The following HIVEP2 variants were observed in gnomAD, a reference collection of about 807,000 sequenced individuals.
The protein encoded by HIVEP2 is HIVEP zinc finger 2.
HIVEP2 carries 14 observed loss-of-function variants against 180.7 expected under a neutral mutation model. The observed-to-expected ratio is 0.08, with a 90% CI of 0.05 to 0.12. The LOEUF (loss-of-function observed/expected upper bound fraction) is 0.12, where lower values mean the gene tolerates loss of function less well. Among genes scored for constraint, HIVEP2 ranks in the 10% least tolerant of loss-of-function variants. The probability of loss-of-function intolerance (pLI) is 1.00; values close to 1 mark genes in which losing one functional copy is unlikely to be tolerated. For missense variants in HIVEP2, 2,579 were observed against 3,008.5 expected, an observed-to-expected ratio of 0.86 and a Z score of 3.34; for synonymous variants, 1,184 against 1,136.4, an observed-to-expected ratio of 1.04 and a Z score of -0.84.
At chr6:142,917,383 G>A (rs1313158222) in intron 1 of HIVEP2, among the ~76,000 whole-genome samples, 1 of 151,990 alleles carries the variant, frequency 6.6e-6, no homozygotes, top group African/African-American at 2.4e-5. Context: ...CATAGGGACA[G>A]TGACAGCCAC....
intron 1 of HIVEP2, among the ~76,000 whole-genome samples, chr6:142,852,925 C>T (rs1025043747): frequency 1.3e-5 from 2 of 152,094 alleles, no homozygotes; most frequent in African/African-American, 2.4e-5. Flanking sequence ...AAATATTTGT[C>T]ATTTGATGTA....
chr6:142,944,435 A>C (rs973648807), intron 1 of HIVEP2, among the ~76,000 whole-genome samples: 8 of 143,044 alleles, frequency 5.6e-5, no homozygotes, highest in African/African-American at 1.6e-4. Context: ...ACCCACACAC[A>C]CACACACACA....
chr6:142,768,428 C>T lies in HIVEP2; in HGVS notation c.5296G>A (p.Gly1766Arg). The T allele has an allele frequency of 6.2e-7, 1 of 1,612,792 alleles. No homozygotes were observed. Among genetic ancestry groups the T allele is most frequent in the Non-Finnish European group, 8.5e-7 (1 of 1,179,398 alleles). The change falls in exon 6 of 10, where the codon GGA (glycine) becomes AGA (arginine). Residue 1766 changes from glycine to arginine, a missense_variant. This residue lies in a region of HIVEP2 where 349 missense variants were observed against 367.2 expected (regional missense o/e 0.95). Transcript: ENST00000367603. Reference protein sequence around the residue: ...KGDIHGDKDIGSKQTEPIRIK... With the variant: ...KGDIHGDKDIRSKQTEPIRIK... ...CGGATTGGCTCAGTTTGTTTGGATC[C>T]AATATCTTTATCTCCATGAATATCT...
chr6:142,844,838 ACTG>A (rs1775467597), intron 1 of HIVEP2, among the ~76,000 whole-genome samples: 1 of 152,242 alleles, frequency 6.6e-6, no homozygotes, highest in Admixed American at 6.5e-5. Context: ...ATGCTAAATT[ACTG>A]CTACTTATGA....
In HIVEP2 at chr6:142,769,948, T is replaced by C; in HGVS notation, c.4791A>G (p.Glu1597=). The C allele has an allele frequency of 6.2e-7, 1 of 1,614,066 alleles. No individual in the cohort carries two copies. The highest frequency in any genetic ancestry group is 8.5e-7 in the Non-Finnish European group (1 of 1,180,040). ...CAACAGGCCGCTTGTGGCCCTTCCCTTCCTCTTCCAGCTGACCATCTCCTG... is the reference window on the plus strand; with the variant it reads ...CAACAGGCCGCTTGTGGCCCTTCCCCTCCTCTTCCAGCTGACCATCTCCTG... The part of the protein sequence containing the change: ...LPAGDGQLEE[E]GKGHKRPVGM... The change falls in exon 5 of 10, where the codon GAA becomes GAG. Residue 1597 remains glutamate, a synonymous_variant. Transcript: ENST00000367603.
chr6:142,754,439 C>CT (rs948703735), intron 9 of HIVEP2, among the ~76,000 whole-genome samples: 1 of 151,976 alleles, frequency 6.6e-6, no homozygotes, highest in Non-Finnish European at 1.5e-5. Flanking sequence ...TGAAAATTGG[C>CT]TTTTTTAAAA....
At chr6:142,827,613 C>T (rs746100478) in intron 2 of HIVEP2, among the ~76,000 whole-genome samples, 8 of 152,178 alleles carry the variant, frequency 5.3e-5, no homozygotes, top group Non-Finnish European at 8.8e-5. Context: ...CCGAGGACTT[C>T]CCTGACCCTA....
intron 3 of HIVEP2, among the ~76,000 whole-genome samples, chr6:142,779,317 G>T (rs548135803): frequency 9.2e-5 from 14 of 152,002 alleles, no homozygotes; most frequent in Non-Finnish European, 1.9e-4. Context: ...ATATAATTTT[G>T]CTCAAAACAT....
At position 142,773,762 on chromosome 6, in the gene HIVEP2, G is replaced by A; in HGVS notation, c.977C>T (p.Pro326Leu). Residue 326 changes from proline (P) to leucine (L), a missense_variant, in exon 5 of 10, where the codon CCG (proline) becomes CTG (leucine). This residue lies in a region of HIVEP2 where 142 missense variants were observed against 135.2 expected (regional missense o/e 1.05). Transcript: ENST00000367603. ...EESLGGPMKV[P>L]ILIIPKSGIP... is the part of the protein sequence containing the mutation. ...CCCACTTTTAGGGATAATCAAAATC[G>A]GCACCTTCATTGGACCTCCCAATGA... 6.2e-7 allele frequency: 1 copy of A among 1,613,908 alleles called. No individual in the cohort carries two copies. Among genetic ancestry groups the A allele is most frequent in the Non-Finnish European group, 8.5e-7 (1 of 1,180,012 alleles).
intron 2 of HIVEP2, among the ~76,000 whole-genome samples, chr6:142,833,182 C>G (rs1014847467): frequency 5.9e-5 from 9 of 152,120 alleles, no homozygotes; most frequent in African/African-American, 2.2e-4. Context: ...TAAAACCAAC[C>G]CCCCCACCAT....
chr6:142,878,447 T>C (rs868519505), intron 1 of HIVEP2, among the ~76,000 whole-genome samples: 7 of 152,306 alleles, frequency 4.6e-5, no homozygotes, highest in Middle Eastern at 6.8e-3. Flanking sequence ...CTAGAGTTTC[T>C]GTGGGTGTGA....
chr6:142,819,504 T>A (rs1776972399), intron 2 of HIVEP2, among the ~76,000 whole-genome samples: 1 of 152,130 alleles, frequency 6.6e-6, no homozygotes, highest in Admixed American at 6.5e-5. Flanking sequence ...TACAAGGAAA[T>A]CCATTTCATA....
intron 2 of HIVEP2, among the ~76,000 whole-genome samples, chr6:142,796,167 C>A (rs1312819616): frequency 5.3e-5 from 8 of 152,140 alleles, no homozygotes; most frequent in Non-Finnish European, 2.9e-5. Context: ...TAGGCCCTAA[C>A]TAAAACTTCC....
At chr6:142,918,068 C>T (rs752089875) in intron 1 of HIVEP2, among the ~76,000 whole-genome samples, 4 of 152,016 alleles carry the variant, frequency 2.6e-5, no homozygotes, top group African/African-American at 4.8e-5. Context: ...CCATCATGCC[C>T]GGAGCGTCTG....
chr6:142,813,803 G>A (rs1392952741), intron 2 of HIVEP2, among the ~76,000 whole-genome samples: 1 of 151,728 alleles, frequency 6.6e-6, no homozygotes, highest in Non-Finnish European at 1.5e-5. Context: ...TGGACTCAAA[G>A]GATCCTTCTG....
At chr6:142,920,455 CCAAG>C (rs1478218272) in intron 1 of HIVEP2, among the ~76,000 whole-genome samples, 14 of 152,110 alleles carry the variant, frequency 9.2e-5, no homozygotes, top group Non-Finnish European at 1.9e-4. Flanking sequence ...TCTCTGACAA[CCAAG>C]ACCCCATGAT....
At chr6:142,899,053 G>T (rs933876947) in intron 1 of HIVEP2, among the ~76,000 whole-genome samples, 2 of 152,142 alleles carry the variant, frequency 1.3e-5, no homozygotes, top group African/African-American at 4.8e-5. Context: ...TGTCTTGCCT[G>T]CAGGACAGAG....
intron 4 of HIVEP2, among the ~76,000 whole-genome samples, chr6:142,775,842 A>AC (rs1554277539): frequency 2.0e-5 from 3 of 150,992 alleles, no homozygotes; most frequent in African/African-American, 4.9e-5. Flanking sequence ...TCAAAAAAAA[A>AC]CCATATATAT....
chr6:142,799,494 T>C (rs778390168), intron 2 of HIVEP2, among the ~76,000 whole-genome samples: 2 of 152,154 alleles, frequency 1.3e-5, no homozygotes, highest in Non-Finnish European at 2.9e-5. Flanking sequence ...CATCAGGCAT[T>C]ATCTCTTCTT....
Sources: gnomAD v4.1 joint callset for allele counts (sites outside exome capture counted in the v4.1 genomes callset) on GRCh38, gnomAD v4.1.1 for gene constraint, gnomAD v4.1.1 regional missense constraint, MANE v1.5 for transcripts, NCBI Gene and HGNC (gene_info 2026-07-23, HGNC 2026-07-21) for gene names.